Variants in CD6 observed in about 807,000 individuals in gnomAD.
CD6 encodes the protein CD6 molecule.
In CD6, 53 loss-of-function variants were observed where a neutral mutation model predicts 75.3. That is an observed-to-expected ratio of 0.70 (90% CI 0.56 to 0.88). The LOEUF is 0.88. Among genes scored for constraint, CD6 ranks in the 40% least tolerant of loss-of-function variants. The pLI is 0.00. For synonymous variants in CD6, 359 were observed against 381.5 expected (o/e 0.94, Z 0.69); for missense variants, 770 against 897.1 (o/e 0.86, Z 1.81).
At chr11:60,997,275 C>T (rs1011943756) in intron 1 of CD6, among the ~76,000 whole-genome samples, 3 of 151,238 alleles carry the variant, frequency 2.0e-5, no homozygotes, top group East Asian at 1.9e-4. Flanking sequence ...CTACTCAGGG[C>T]GCTGAGGCAG....
rs1055732009 is a variant in CD6, at chr11:61,007,444, G to A, written c.119-116G>A. Reference sequence around the variant, plus strand: ...GCTCCATTTTGCAGACTGGAAAGCTGAGACCCCTAGCCAGGCAGGGCGTTG... The same window carrying A: ...GCTCCATTTTGCAGACTGGAAAGCTAAGACCCCTAGCCAGGCAGGGCGTTG... On this transcript the variant is annotated intron_variant, in intron 2 of 12. Coordinates refer to ENST00000313421, the MANE Select transcript of CD6 (RefSeq NM_006725.5). The surrounding 1 kb of genome is among the most constrained non-coding windows in gnomAD (Gnocchi z 4.2). 7.4e-6 allele frequency: 6 copies of A among 811,700 alleles called. No individual in the cohort carries two copies. The highest frequency in any genetic ancestry group is 7.3e-5 in the African/African-American group (4 of 54,844). The allele number at this position is 811,700 out of a possible 1,614,324, so 50.3% of individuals were successfully genotyped here.
At position 60,978,256 on chromosome 11, in the gene CD6, G is replaced by A. The variant is rs75978348; in HGVS notation, c.49+6342G>A. Reference sequence around the variant, plus strand: ...GGTGTCCCCTGACAAGACTGAGCCTGGGGACGCTGACTGCTCTGCAGCCTG... The same window carrying A: ...GGTGTCCCCTGACAAGACTGAGCCTAGGGACGCTGACTGCTCTGCAGCCTG... On this transcript the variant is annotated intron_variant, in intron 1 of 12. Coordinates refer to ENST00000313421, the MANE Select transcript of CD6 (RefSeq NM_006725.5). Among the ~76,000 whole-genome samples the A allele has an allele frequency of 2.4e-3, 367 of 152,326 alleles. 1 individual carries two copies. The highest frequency in any genetic ancestry group is 7.1e-3 in the African/African-American group (297 of 41,564).
chr11:61,008,835 G>T lies in CD6; in HGVS notation c.771G>T (p.Ala257=). The T allele has an allele frequency of 6.5e-7, 1 of 1,542,722 alleles. No homozygotes were observed. Among genetic ancestry groups the T allele is most frequent in the Non-Finnish European group, 8.8e-7 (1 of 1,141,834 alleles). The part of the protein sequence containing the change: ...HYCGHKEDAG[A]VCSEHQSWRL... ...GCGGCCACAAAGAGGACGCGGGCGC[G>T]GTGTGCTCAGGTCAGTGGGCGGAGT... is the stretch of plus-strand genomic sequence containing the variant. Residue 257 remains alanine (A), a synonymous_variant, in exon 4 of 13, where the codon GCG becomes GCT. Transcript: ENST00000313421.
At chr11:61,010,475 G>A (rs913271337) in intron 5 of CD6, among the ~76,000 whole-genome samples, 10 of 152,184 alleles carry the variant, frequency 6.6e-5, no homozygotes, top group Non-Finnish European at 1.0e-4. Context: ...TTGAAAAAAC[G>A]TGAGTGTTAG....
intron 5 of CD6, 73 bp downstream of exon 5, chr11:61,009,947 G>A (rs1859068084): frequency 6.2e-6 from 9 of 1,450,642 alleles, no homozygotes; most frequent in African/African-American, 1.4e-5. Flanking sequence ...AAAACTTACA[G>A]TCCAAGGACC....
At chr11:60,991,193 C>A (rs1394030485) in intron 1 of CD6, among the ~76,000 whole-genome samples, 1 of 127,982 alleles carries the variant, frequency 7.8e-6, no homozygotes, top group Non-Finnish European at 1.6e-5. Context: ...TCTTGTTGTC[C>A]AGGCTGGAGT....
Position 61,007,778 on chromosome 11 carries a change from AC to A in CD6, c.339del (p.Ser114AlafsTer2). The A allele has an allele frequency of 6.8e-7, 1 of 1,471,732 alleles. No homozygotes were observed. The highest frequency in any genetic ancestry group is 9.0e-7 in the Non-Finnish European group (1 of 1,112,760). 91.2% of individuals were successfully genotyped at this position (1,471,732 alleles called of 1,614,324 possible). A position where few individuals can be genotyped will look rare whatever the true frequency, so the allele number is the denominator to read the frequency against. ...ELPPPPAAGN[T>X]SVAANATLAG... ...GCCGCCCCCGCCTGCAGCCGGGAAC[AC>A]CAGCGTAGCAGCTAATGCCACTCTG... On this transcript the variant is annotated frameshift_variant, in exon 3 of 13. Coordinates refer to ENST00000313421, the MANE Select transcript of CD6 (RefSeq NM_006725.5). LOFTEE classifies it high-confidence loss of function. This position sits in a 1 kb window ranked among gnomAD's most constrained non-coding sequence, Gnocchi z 4.2.
Position 61,020,368 on chromosome 11 carries a change from C to T in CD6, c.*1050C>T. The T allele has an allele frequency of 5.0e-6, 2 of 398,844 alleles. No homozygotes were observed. The highest frequency in any genetic ancestry group is 7.1e-5 in the East Asian group (2 of 28,080). 24.7% of individuals were successfully genotyped at this position (398,844 alleles called of 1,614,324 possible). On this transcript the variant is annotated 3_prime_UTR_variant, in exon 13 of 13. Transcript: ENST00000313421. Reference sequence around the variant, plus strand: ...AGTATCCTGAGATTAAACTGAATTGCTGAATGAAACCAGGGCGTGGAATGA... The same window carrying T: ...AGTATCCTGAGATTAAACTGAATTGTTGAATGAAACCAGGGCGTGGAATGA...
intron 1 of CD6, among the ~76,000 whole-genome samples, chr11:60,992,124 C>T (rs544895137): frequency 6.6e-6 from 1 of 152,172 alleles, no homozygotes; most frequent in African/African-American, 2.4e-5. Context: ...AAGCAATCCA[C>T]CCACCTTGGC....
chr11:61,011,328 C>T (rs1859144708), intron 6 of CD6, among the ~76,000 whole-genome samples, 193 bp downstream of exon 6: 1 of 152,078 alleles, frequency 6.6e-6, no homozygotes, highest in South Asian at 2.1e-4. Context: ...CCCCTCCTTG[C>T]CAAGTCAGCC....
At chr11:60,996,915 C>CA (rs1304813446) in intron 1 of CD6, among the ~76,000 whole-genome samples, 2 of 152,210 alleles carry the variant, frequency 1.3e-5, no homozygotes, top group African/African-American at 4.8e-5. Context: ...TCATGGATGA[C>CA]AGTCTAAGGC....
chr11:60,988,028 G>C (rs1857898419), intron 1 of CD6: 1 of 152,462 alleles, frequency 6.6e-6, no homozygotes, highest in South Asian at 2.1e-4. Flanking sequence ...GAAGCATCCT[G>C]TAAGTGACTT....
At position 61,008,804 on chromosome 11, in the gene CD6, A is replaced by G. The variant is rs1323028884; in HGVS notation, c.740A>G (p.His247Arg). ...LWDCPGLPGQHYCGHKEDAGA... is the reference protein window; with the variant it reads ...LWDCPGLPGQRYCGHKEDAGA... ...GACTGCCCGGGGCTGCCAGGACAGC[A>G]CTACTGCGGCCACAAAGAGGACGCG... The change falls in exon 4 of 13, where the codon CAC becomes CGC. Residue 247 changes from histidine to arginine, a missense_variant. Transcript: ENST00000313421. 3 of 1,572,962 alleles carry G rather than the reference A, an allele frequency of 1.9e-6. No homozygotes were observed. Among genetic ancestry groups the G allele is most frequent in the Non-Finnish European group, 2.6e-6 (3 of 1,157,106 alleles).
chr11:61,006,406 C>T (rs1858860194), intron 1 of CD6, among the ~76,000 whole-genome samples, 168 bp from the exon 2 acceptor site: 1 of 152,126 alleles, frequency 6.6e-6, no homozygotes, highest in African/African-American at 2.4e-5. Flanking sequence ...GAGAACTTTC[C>T]CTACCTTGAA....
intron 1 of CD6, among the ~76,000 whole-genome samples, chr11:60,988,992 A>G (rs567006168): frequency 2.6e-5 from 4 of 152,180 alleles, no homozygotes; most frequent in South Asian, 4.1e-4. Flanking sequence ...GGGGAATTCT[A>G]TTCTTGAATT....
intron 6 of CD6, 140 bp downstream of exon 6, chr11:61,011,275 C>A (rs1859142287): frequency 1.4e-6 from 1 of 697,932 alleles, no homozygotes; most frequent in Non-Finnish European, 2.5e-6. Flanking sequence ...AATGGACTTG[C>A]CTCCCCGGGG....
intron 4 of CD6, 26 bp from the exon 5 acceptor site, chr11:61,009,546 C>T (rs750311239): frequency 8.2e-5 from 128 of 1,562,612 alleles, no homozygotes; most frequent in Non-Finnish European, 1.7e-6. Flanking sequence ...TCTGACCTGA[C>T]TCTGTCCCCT....
At position 61,017,489 on chromosome 11, in the gene CD6, G is replaced by A. The variant is rs560854832; in HGVS notation, c.1521G>A (p.Arg507=). ...CGCCTCTGCTTGCAGATTCCCAGCG[G>A]CATCGGGTCACAGATGAGGAGGTCC... The part of the protein sequence containing the change: ...VALTTFYNSQ[R]HRVTDEEVQQ... Residue 507 remains arginine, a synonymous_variant, in exon 10 of 13, where the codon CGG becomes CGA. Transcript: ENST00000313421. 5.2e-6 allele frequency: 8 copies of A among 1,549,222 alleles called. 1 individual carries two copies. The African/African-American group carries it at 6.9e-5, about 13-fold the overall frequency.
intron 1 of CD6, among the ~76,000 whole-genome samples, chr11:60,981,342 T>C (rs1857551935): frequency 6.6e-6 from 1 of 152,206 alleles, no homozygotes; most frequent in Non-Finnish European, 1.5e-5. Context: ...TCCAAATCCG[T>C]TGCTTTTTCC....
Sources: gnomAD v4.1 joint callset for allele counts (sites outside exome capture counted in the v4.1 genomes callset) on GRCh38, gnomAD v4.1.1 for gene constraint, Gnocchi (gnomAD v3.1) non-coding constraint, MANE v1.5 for transcripts, NCBI Gene and HGNC (gene_info 2026-07-23, HGNC 2026-07-21) for gene names.